GAS2: variants seen among roughly 807,000 people sequenced by gnomAD.
GAS2 encodes the protein growth arrest-specific protein 2.
A neutral mutation model predicts 37.5 loss-of-function variants in GAS2; 20 were observed. The observed-to-expected ratio is 0.53, with a 90% CI of 0.37 to 0.77. The LOEUF (loss-of-function observed/expected upper bound fraction) is 0.77. Ranked by LOEUF, GAS2 falls within the 30% of genes least tolerant of loss-of-function variation. The probability of loss-of-function intolerance (pLI) is 0.00; values close to 1 mark genes in which losing one functional copy is unlikely to be tolerated. For synonymous variants in GAS2, 144 were observed against 132.2 expected, an observed-to-expected ratio of 1.09 and a Z score of -0.61; for missense variants, 336 against 373.4, an observed-to-expected ratio of 0.90 and a Z score of 0.82.
rs565393875 is a variant in GAS2 at position 22,804,979 on chromosome 11, T to C, written c.724-6819T>C. On this transcript the variant is annotated intron_variant, in intron 7 of 7. Coordinates refer to ENST00000454584, the MANE Select transcript of GAS2 (RefSeq NM_001143830.3). ...GCATCTGTGCTGGAAAAGCTCATTG[T>C]AGTGCAAGCATTCTAGGGAAAGGGA... 6.6e-5 allele frequency among the ~76,000 whole-genome samples: 10 copies of C among 152,248 alleles called. No individual in the cohort carries two copies. The East Asian group carries it at 1.4e-3, about 21-fold the overall frequency.
intron 5 of GAS2, among the ~76,000 whole-genome samples, chr11:22,744,511 T>A (rs1853266381): frequency 6.6e-6 from 1 of 152,112 alleles, no homozygotes; most frequent in Non-Finnish European, 1.5e-5. Context: ...AATCAATAAA[T>A]GTAATTTACC....
chr11:22,678,775 T>C (rs947454478), intron 2 of GAS2, among the ~76,000 whole-genome samples: 1 of 152,048 alleles, frequency 6.6e-6, no homozygotes, highest in African/African-American at 2.4e-5. Context: ...TTTTGATGGA[T>C]AAAAATGATT....
intron 7 of GAS2, among the ~76,000 whole-genome samples, chr11:22,804,643 T>C (rs377516960): frequency 2.0e-4 from 31 of 151,974 alleles, no homozygotes; most frequent in African/African-American, 6.0e-4. Flanking sequence ...AGTTAGAACA[T>C]AGTGGGAGGA....
chr11:22,660,410 TA>T, intron 1 of GAS2, among the ~76,000 whole-genome samples: 1 of 152,234 alleles, frequency 6.6e-6, no homozygotes, highest in East Asian at 1.9e-4. Flanking sequence ...ATAACATACC[TA>T]ACATTCATTT....
intron 5 of GAS2, among the ~76,000 whole-genome samples, chr11:22,745,466 A>G (rs1034833499): frequency 5.9e-5 from 9 of 152,182 alleles, no homozygotes; most frequent in Non-Finnish European, 1.2e-4. Context: ...TTAGCTCAAG[A>G]TACATTAAAG....
chr11:22,672,695 G>A (rs537667483), intron 1 of GAS2: 111 of 152,216 alleles, frequency 7.3e-4, no homozygotes, highest in African/African-American at 2.6e-3. Flanking sequence ...ATTTCAATTA[G>A]TTATTTAAGT....
At chr11:22,678,569 G>T (rs937842460) in intron 2 of GAS2, among the ~76,000 whole-genome samples, 15 of 137,574 alleles carry the variant, frequency 1.1e-4, no homozygotes, top group Admixed American at 1.1e-3. Context: ...TTAAATTAAA[G>T]CTTTTAATTA....
chr11:22,794,420 T>C (rs1856331464), intron 7 of GAS2, among the ~76,000 whole-genome samples: 1 of 152,274 alleles, frequency 6.6e-6, no homozygotes, highest in Non-Finnish European at 1.5e-5. Context: ...TATGCTGCTT[T>C]ATCTTAGTTT....
At chr11:22,749,071 T>A (rs966230529) in intron 5 of GAS2, 49 bp from the exon 6 acceptor site, 4 of 1,511,052 alleles carry the variant, frequency 2.6e-6, no homozygotes, top group Non-Finnish European at 3.6e-6. Context: ...ATATGGTAAT[T>A]GTATCATTAT....
chr11:22,747,704 G>A (rs1853487959), intron 5 of GAS2, among the ~76,000 whole-genome samples: 1 of 152,042 alleles, frequency 6.6e-6, no homozygotes, highest in Non-Finnish European at 1.5e-5. Context: ...AGCAAAGTGG[G>A]GGGTCCATGT....
intron 7 of GAS2, among the ~76,000 whole-genome samples, chr11:22,806,800 G>A (rs1856916234): frequency 6.6e-6 from 1 of 152,164 alleles, no homozygotes; most frequent in South Asian, 2.1e-4. Context: ...CCTATTTCAT[G>A]GAGAGAGGTT....
At chr11:22,748,234 T>A (rs890878668) in intron 5 of GAS2, among the ~76,000 whole-genome samples, 8 of 152,100 alleles carry the variant, frequency 5.3e-5, no homozygotes, top group African/African-American at 1.9e-4. Flanking sequence ...TGCTCCTTGC[T>A]AGTTATATAT....
In GAS2 at chr11:22,755,876, A is replaced by G; in HGVS notation, c.646A>G (p.Lys216Glu). The change falls in exon 7 of 8, where the codon AAA becomes GAA. Residue 216 changes from lysine to glutamate, a missense_variant. By Grantham distance (56) the Lys-to-Glu change is moderately conservative. Transcript: ENST00000454584. ...ACGAATTTCTGAAGATCCTCCTTGC[A>G]AATGCCCAAACAAGTTCTGTGTGGA... is the stretch of plus-strand genomic sequence containing the variant. ...VKRISEDPPC[K>E]CPNKFCVERL... 6.2e-7 allele frequency: 1 copy of G among 1,613,090 alleles called. No individual in the cohort carries two copies.
intron 1 of GAS2, among the ~76,000 whole-genome samples, chr11:22,651,898 T>C (rs184060677): frequency 8.7e-4 from 132 of 152,332 alleles, no homozygotes; most frequent in African/African-American, 3.1e-3. Flanking sequence ...TTTGATCATC[T>C]GAAGCCTTCT....
intron 3 of GAS2, among the ~76,000 whole-genome samples, chr11:22,723,897 T>C (rs147702303): frequency 5.3e-5 from 8 of 152,080 alleles, no homozygotes; most frequent in African/African-American, 1.7e-4. Flanking sequence ...TTTGATTTTT[T>C]TTTAAATTTG....
chr11:22,801,857 G>A (rs911764492), intron 7 of GAS2, among the ~76,000 whole-genome samples: 2 of 152,056 alleles, frequency 1.3e-5, no homozygotes, highest in Non-Finnish European at 2.9e-5. Flanking sequence ...ATGACTCTAT[G>A]TCATTCAAGG....
intron 1 of GAS2, among the ~76,000 whole-genome samples, chr11:22,671,338 C>G (rs549893244): frequency 2.0e-5 from 3 of 151,906 alleles, no homozygotes; most frequent in African/African-American, 7.2e-5. Context: ...TTAGGTAGAC[C>G]GAGAAAGCTT....
chr11:22,789,454 A>ATTTT (rs1564889929), intron 7 of GAS2, among the ~76,000 whole-genome samples: 5 of 61,204 alleles, frequency 8.2e-5, no homozygotes, highest in Non-Finnish European at 1.7e-4. Flanking sequence ...ATATATATAT[A>ATTTT]TTCTTTTTTT....
intron 5 of GAS2, among the ~76,000 whole-genome samples, chr11:22,745,512 G>T (rs1419730353): frequency 6.6e-6 from 1 of 152,172 alleles, no homozygotes; most frequent in East Asian, 1.9e-4. Flanking sequence ...AAGAATTCTA[G>T]AAAAAATCCT....
Sources: gnomAD v4.1 joint callset for allele counts (sites outside exome capture counted in the v4.1 genomes callset) on GRCh38, gnomAD v4.1.1 for gene constraint, MANE v1.5 for transcripts, NCBI Gene and HGNC (gene_info 2026-07-23, HGNC 2026-07-21) for gene names.